The following GSK3B variants were observed in gnomAD, a reference collection of about 807,000 sequenced individuals.
GSK3B encodes the protein glycogen synthase kinase 3 beta.
GSK3B carries 15 observed loss-of-function variants against 56.4 expected under a neutral mutation model. The ratio of observed to expected loss-of-function variants is 0.27; its 90% CI spans 0.18 to 0.41. GSK3B has a LOEUF of 0.41. Ranked by LOEUF, GSK3B falls within the 10% of genes least tolerant of loss-of-function variation. The pLI, the probability that GSK3B is intolerant of heterozygous loss-of-function variation, is 1.00. For missense variants in GSK3B, 300 were observed against 513.4 expected (o/e 0.58, Z 4.02); for synonymous variants, 181 against 188.9 (o/e 0.96, Z 0.34).
intron 9 of GSK3B, among the ~76,000 whole-genome samples, chr3:119,860,983 A>C (rs1424076240): frequency 6.6e-6 from 1 of 152,150 alleles, no homozygotes; most frequent in African/African-American, 2.4e-5. Flanking sequence ...CAATGTTTCT[A>C]TCTCTAGATT....
intron 2 of GSK3B, among the ~76,000 whole-genome samples, chr3:119,951,605 T>A (rs1270263352): frequency 1.3e-5 from 2 of 151,928 alleles, no homozygotes; most frequent in African/African-American, 4.8e-5. Flanking sequence ...TACAATATAT[T>A]ATATAATATG....
chr3:120,089,281 C>T (rs1396211921), intron 1 of GSK3B, among the ~76,000 whole-genome samples: 1 of 152,194 alleles, frequency 6.6e-6, no homozygotes, highest in East Asian at 1.9e-4. Context: ...GTGCATGCAA[C>T]AAGAAAGCAT....
At chr3:120,045,293 C>A (rs2058093795) in intron 1 of GSK3B, among the ~76,000 whole-genome samples, 1 of 152,156 alleles carries the variant, frequency 6.6e-6, no homozygotes, top group Non-Finnish European at 1.5e-5. Context: ...CTTCCTTGTT[C>A]TTTGTTCTCA....
intron 8 of GSK3B, among the ~76,000 whole-genome samples, chr3:119,871,278 C>T (rs1350101400): frequency 6.6e-6 from 1 of 152,138 alleles, no homozygotes; most frequent in Non-Finnish European, 1.5e-5. Context: ...TATTGATTCA[C>T]TATGAAGCAT....
At chr3:120,000,469 G>A (rs1474815630) in intron 2 of GSK3B, among the ~76,000 whole-genome samples, 1 of 152,186 alleles carries the variant, frequency 6.6e-6, no homozygotes, top group Non-Finnish European at 1.5e-5. Context: ...GATATTTACA[G>A]CAGATGGACA....
intron 7 of GSK3B, among the ~76,000 whole-genome samples, chr3:119,895,894 T>G (rs528834307): frequency 6.6e-6 from 1 of 151,946 alleles, no homozygotes; most frequent in Non-Finnish European, 1.5e-5. Flanking sequence ...GAGGCCAAGG[T>G]AGGTGGATCA....
chr3:119,822,922 G>A lies in GSK3B; in HGVS notation c.*3866C>T, dbSNP rs1474554494. On this transcript the variant is annotated 3_prime_UTR_variant, in exon 11 of 11. Coordinates refer to ENST00000264235, the MANE Select transcript of GSK3B (RefSeq NM_001146156.2). ...AGGGAAAAATAGATGAAATGCCAGT[G>A]TCTTCATATCCACAGGGATAGAGAA... The A allele has an allele frequency of 4.4e-6, 1 of 229,194 alleles. No individual in the cohort carries two copies. The highest frequency in any genetic ancestry group is 8.7e-6 in the Non-Finnish European group (1 of 115,542). The allele number at this position is 229,194 out of a possible 1,614,324, so 14.2% of individuals were successfully genotyped here. A position where few individuals can be genotyped will look rare whatever the true frequency, so the allele number is the denominator to read the frequency against.
chr3:119,943,202 G>A (rs1345923137), intron 3 of GSK3B, among the ~76,000 whole-genome samples: 1 of 152,144 alleles, frequency 6.6e-6, no homozygotes, highest in Non-Finnish European at 1.5e-5. Context: ...GTCAAACTGT[G>A]GTCAATGAAA....
intron 1 of GSK3B, among the ~76,000 whole-genome samples, chr3:120,034,012 T>C (rs1203934773): frequency 6.6e-6 from 1 of 152,214 alleles, no homozygotes; most frequent in Non-Finnish European, 1.5e-5. Flanking sequence ...CCATTATGTA[T>C]ATCTTCCTTG....
chr3:119,983,336 A>G (rs1163177236), intron 2 of GSK3B, among the ~76,000 whole-genome samples: 1 of 152,216 alleles, frequency 6.6e-6, no homozygotes, highest in African/African-American at 2.4e-5. Context: ...TAATGACAGG[A>G]ACAAATTCAT....
intron 9 of GSK3B, among the ~76,000 whole-genome samples, chr3:119,860,141 T>G (rs1328784386): frequency 2.6e-5 from 4 of 152,200 alleles, no homozygotes; most frequent in African/African-American, 4.8e-5. Flanking sequence ...AGGGGGAGAC[T>G]CACCTTTAAA....
At chr3:120,075,362 A>G (rs1380263802) in intron 1 of GSK3B, among the ~76,000 whole-genome samples, 1 of 152,214 alleles carries the variant, frequency 6.6e-6, no homozygotes. Flanking sequence ...TCAACAGAAT[A>G]CTAGAAGTGC....
intron 2 of GSK3B, among the ~76,000 whole-genome samples, chr3:119,949,979 T>C (rs999362513): frequency 2.9e-4 from 44 of 151,788 alleles, no homozygotes; most frequent in African/African-American, 1.0e-3. Context: ...GCTGGAAAAA[T>C]GCATTTGGGA....
intron 2 of GSK3B, among the ~76,000 whole-genome samples, chr3:119,960,117 A>G (rs2057256896): frequency 6.7e-6 from 1 of 149,636 alleles, no homozygotes; most frequent in South Asian, 2.1e-4. Flanking sequence ...TCCATGCAAC[A>G]ACATGGTTGC....
chr3:119,836,623 C>A (rs1296543851), intron 10 of GSK3B, among the ~76,000 whole-genome samples: 1 of 151,842 alleles, frequency 6.6e-6, no homozygotes, highest in Admixed American at 6.6e-5. Flanking sequence ...TGGAAAAAGG[C>A]TGAAAGTTTT....
rs71619764 is a variant in GSK3B, at chr3:119,954,302, T to TAGAAA, written c.283-6956_283-6952dup. 1.6e-3 allele frequency among the ~76,000 whole-genome samples: 151 copies of TAGAAA among 96,926 alleles called. 1 individual carries two copies. The highest frequency in any genetic ancestry group is 1.9e-3 in the Non-Finnish European group (86 of 44,388). 63.6% of individuals were successfully genotyped at this position (96,926 alleles called of 152,430 possible). ...TAGAATAGAATAGAATAGAATAGAA[T>TAGAAA]AGAAAAGAAACAGAACAGAACAGAA... is the stretch of plus-strand genomic sequence containing the variant. On this transcript the variant is annotated intron_variant, in intron 2 of 10. Coordinates refer to ENST00000264235, the MANE Select transcript of GSK3B (RefSeq NM_001146156.2).
chr3:119,915,955 G>C, intron 5 of GSK3B, 89 bp downstream of exon 5: 1 of 852,102 alleles, frequency 1.2e-6, no homozygotes. Context: ...CTGTGTTTAG[G>C]CTGATATTGC....
chr3:119,971,672 C>T (rs1038696198), intron 2 of GSK3B, among the ~76,000 whole-genome samples: 14 of 115,232 alleles, frequency 1.2e-4, no homozygotes, highest in African/African-American at 2.4e-4. Flanking sequence ...AGTGCAGTGG[C>T]GGGATCTCGG....
intron 1 of GSK3B, among the ~76,000 whole-genome samples, chr3:120,048,019 T>C (rs2058117670): frequency 6.6e-6 from 1 of 152,224 alleles, no homozygotes; most frequent in African/African-American, 2.4e-5. Flanking sequence ...ATTACCACAA[T>C]TGTTAATACA....
Sources: allele counts gnomAD v4.1 joint callset (sites outside exome capture counted in the v4.1 genomes callset), GRCh38; gene constraint gnomAD v4.1.1; transcripts MANE v1.5; gene names NCBI Gene and HGNC (gene_info 2026-07-23, HGNC 2026-07-21).